COBL: variants seen among roughly 807,000 people sequenced by gnomAD.
COBL encodes the protein cordon-bleu WH2 repeat protein.
A neutral mutation model predicts 98.8 loss-of-function variants in COBL; 51 were observed. The observed-to-expected ratio is 0.52, with a 90% CI of 0.41 to 0.65. The LOEUF (loss-of-function observed/expected upper bound fraction) is 0.65. Ranked by LOEUF, COBL falls within the 30% of genes least tolerant of loss-of-function variation. The pLI, the probability that COBL is intolerant of heterozygous loss-of-function variation, is 0.00. For missense variants in COBL, 1,617 were observed against 1,617.5 expected (o/e 1.00, Z 0.01); for synonymous variants, 634 against 651.7 (o/e 0.97, Z 0.41).
intron 1 of COBL, among the ~76,000 whole-genome samples, chr7:51,298,258 C>T (rs1214659880): frequency 6.6e-6 from 1 of 152,206 alleles, no homozygotes; most frequent in Admixed American, 6.5e-5. Context: ...ATAGTTACAA[C>T]CTAAAATTCT....
chr7:51,166,020 AC>A (rs1286627871), intron 5 of COBL, among the ~76,000 whole-genome samples: 1 of 151,940 alleles, frequency 6.6e-6, no homozygotes, highest in Non-Finnish European at 1.5e-5. Flanking sequence ...AAGAAGAAAA[AC>A]CTCAAACAAA....
At chr7:51,075,496 T>C (rs1792982965) in intron 7 of COBL, among the ~76,000 whole-genome samples, 1 of 152,186 alleles carries the variant, frequency 6.6e-6, no homozygotes, top group Non-Finnish European at 1.5e-5. Flanking sequence ...CTAAAATAAT[T>C]AGGAAGTGAT....
chr7:51,256,697 G>A (rs1264498177), intron 1 of COBL, among the ~76,000 whole-genome samples: 5 of 152,238 alleles, frequency 3.3e-5, no homozygotes, highest in South Asian at 2.1e-4. Context: ...CACCACCAGT[G>A]AGGAAATGAA....
At chr7:51,166,482 A>G (rs1347907503) in intron 5 of COBL, among the ~76,000 whole-genome samples, 2 of 152,106 alleles carry the variant, frequency 1.3e-5, no homozygotes, top group African/African-American at 4.8e-5. Context: ...AGTAAAGAAA[A>G]GCCTGAGGCC....
intron 6 of COBL, among the ~76,000 whole-genome samples, chr7:51,121,893 T>C (rs1252687952): frequency 2.0e-5 from 3 of 152,206 alleles, no homozygotes; most frequent in African/African-American, 7.2e-5. Context: ...AAAAACATAC[T>C]GACTGTTGAC....
chr7:51,246,612 T>C (rs1357447004), intron 1 of COBL, among the ~76,000 whole-genome samples: 1 of 152,234 alleles, frequency 6.6e-6, no homozygotes, highest in Non-Finnish European at 1.5e-5. Flanking sequence ...CTATTAGATC[T>C]GGGCCATATA....
At chr7:51,277,901 G>A (rs555561660) in intron 1 of COBL, among the ~76,000 whole-genome samples, 1 of 152,168 alleles carries the variant, frequency 6.6e-6, no homozygotes, top group African/African-American at 2.4e-5. Flanking sequence ...ATATTCCCAA[G>A]CTGCCTCTGA....
rs777049629 is a variant in COBL, at chr7:51,190,931, T to C, written c.604A>G (p.Ile202Val). The change falls in exon 4 of 13, where the codon ATT (isoleucine) becomes GTT (valine). Residue 202 changes from isoleucine to valine, a missense_variant. Transcript: ENST00000265136. Reference protein sequence around the residue: ...PEHVVLLRDNIAGEELELSKS... With the variant: ...PEHVVLLRDNVAGEELELSKS... The stretch of plus-strand genomic sequence containing the variant: ...GACAGCTCCAGCTCCTCTCCGGCAA[T>C]GTTGTCCCTGAGGAGAACCACGTGC... 2.5e-6 allele frequency: 4 copies of C among 1,614,164 alleles called. No homozygotes were observed. The highest frequency in any genetic ancestry group is 3.4e-6 in the Non-Finnish European group (4 of 1,180,036).
chr7:51,196,564 T>C (rs569437009), intron 2 of COBL, among the ~76,000 whole-genome samples: 2 of 152,260 alleles, frequency 1.3e-5, no homozygotes, highest in African/African-American at 4.8e-5. Context: ...ATTTATTTAT[T>C]TGGAACAGTT....
intron 12 of COBL, 134 bp from the exon 13 acceptor site, chr7:51,017,702 C>T: frequency 1.1e-6 from 1 of 916,732 alleles, no homozygotes; most frequent in Non-Finnish European, 1.8e-6. Context: ...GTTCCTTTGA[C>T]CTGCAGAAAG....
intron 11 of COBL, 50 bp downstream of exon 11, chr7:51,026,496 G>C (rs377277917): frequency 3.1e-6 from 5 of 1,600,866 alleles, no homozygotes; most frequent in Non-Finnish European, 3.4e-6. Context: ...CGGAAGAAGG[G>C]GTGGGTGGGT....
intron 1 of COBL, among the ~76,000 whole-genome samples, chr7:51,225,531 GA>G (rs917771018): frequency 1.3e-5 from 2 of 152,190 alleles, no homozygotes; most frequent in African/African-American, 4.8e-5. Context: ...AGCAGGGAAT[GA>G]ATCACAGCAC....
chr7:51,166,521 A>G (rs76991625), intron 5 of COBL, among the ~76,000 whole-genome samples: 2 of 152,106 alleles, frequency 1.3e-5, no homozygotes, highest in Non-Finnish European at 2.9e-5. Flanking sequence ...ATTCTCCCAA[A>G]CATTTAAACA....
intron 5 of COBL, among the ~76,000 whole-genome samples, chr7:51,167,820 G>T (rs1460067403): frequency 6.6e-6 from 1 of 152,056 alleles, no homozygotes; most frequent in Non-Finnish European, 1.5e-5. Flanking sequence ...CATACACTGG[G>T]GATAACAGCG....
chr7:51,261,909 T>C (rs368797477), intron 1 of COBL, among the ~76,000 whole-genome samples: 4 of 152,110 alleles, frequency 2.6e-5, no homozygotes, highest in South Asian at 4.1e-4. Flanking sequence ...GATCACGCCA[T>C]TGCACTCCAA....
At chr7:51,029,666 G>C in intron 9 of COBL, 75 bp from the exon 10 acceptor site, 12 of 1,269,662 alleles carry the variant, frequency 9.5e-6, no homozygotes, top group Non-Finnish European at 1.3e-5. Flanking sequence ...CCATGACTTT[G>C]ATTTCCCTGA....
intron 1 of COBL, among the ~76,000 whole-genome samples, chr7:51,276,187 C>T (rs550456516): frequency 6.6e-6 from 1 of 152,344 alleles, no homozygotes; most frequent in South Asian, 2.1e-4. Flanking sequence ...GGCTGGGTGA[C>T]AGCACTCATG....
chr7:51,140,712 G>A (rs1387693825), intron 5 of COBL, among the ~76,000 whole-genome samples: 1 of 152,180 alleles, frequency 6.6e-6, no homozygotes, highest in Non-Finnish European at 1.5e-5. Flanking sequence ...GCAGGGGCAC[G>A]GCCCTGACAG....
At chr7:51,314,952 C>A (rs1456620985) in intron 1 of COBL, among the ~76,000 whole-genome samples, 2 of 152,320 alleles carry the variant, frequency 1.3e-5, no homozygotes, top group Non-Finnish European at 2.9e-5. Context: ...TAAGTCCTTT[C>A]ACTTCTATCA....
Sources: gnomAD v4.1 joint callset for allele counts (sites outside exome capture counted in the v4.1 genomes callset) on GRCh38, gnomAD v4.1.1 for gene constraint, MANE v1.5 for transcripts, NCBI Gene and HGNC (gene_info 2026-07-23, HGNC 2026-07-21) for gene names.